RHOQ: variants seen among roughly 807,000 people sequenced by gnomAD.
RHOQ encodes ras homolog family member Q.
In RHOQ, 7 loss-of-function variants were observed where a neutral mutation model predicts 25.8. That is an observed-to-expected ratio of 0.27 (90% CI 0.15 to 0.51). RHOQ has a LOEUF of 0.51. Ranked by LOEUF, RHOQ falls within the 20% of genes least tolerant of loss-of-function variation. RHOQ has a pLI of 0.97. For missense variants in RHOQ, 165 were observed against 260.6 expected (o/e 0.63, Z 2.53); for synonymous variants, 97 against 98.6 (o/e 0.98, Z 0.10).
intron 4 of RHOQ, 132 bp from the exon 5 acceptor site, chr2:46,580,796 A>G: frequency 1.6e-6 from 1 of 611,898 alleles, no homozygotes; most frequent in Non-Finnish European, 2.6e-6. Context: ...CTCTGGGGTT[A>G]TGAACATGGA....
rs1375120709 is a variant in RHOQ at position 46,576,386 on chromosome 2, T to C, written c.366+135T>C. ...CTCAGCTGCAAGTTAATGAGTTCTATCATATTTTTGGAAAAAATTGTGCCA... is the reference window on the plus strand; with the variant it reads ...CTCAGCTGCAAGTTAATGAGTTCTACCATATTTTTGGAAAAAATTGTGCCA... On this transcript the variant is annotated intron_variant, in intron 3 of 4. Coordinates refer to ENST00000238738, the MANE Select transcript of RHOQ (RefSeq NM_012249.4). The surrounding 1 kb of genome is among the most constrained non-coding windows in gnomAD (Gnocchi z 5.1). The C allele has an allele frequency of 1.0e-6, 1 of 970,920 alleles. No individual in the cohort carries two copies. The highest frequency in any genetic ancestry group is 1.5e-6 in the Non-Finnish European group (1 of 653,288). 60.1% of individuals were successfully genotyped at this position (970,920 alleles called of 1,614,324 possible).
Position 46,543,786 on chromosome 2 carries a change from C to G in RHOQ, c.175C>G (p.Leu59Val). The change falls in exon 2 of 5, where the codon CTA becomes GTA. Residue 59 changes from leucine to valine, a missense_variant. By Grantham distance (32) the Leu-to-Val change is conservative (BLOSUM62 1). Coordinates refer to ENST00000238738, the MANE Select transcript of RHOQ (RefSeq NM_012249.4). ...CACCGTGGGGGGCAAGCAGTACCTC[C>G]TAGGACTCTATGACACGGCCGGACA... is the stretch of plus-strand genomic sequence containing the variant. ...SVTVGGKQYLLGLYDTAGQED... is the reference protein window; with the variant it reads ...SVTVGGKQYLVGLYDTAGQED... 6.2e-7 allele frequency: 1 copy of G among 1,613,676 alleles called. No individual in the cohort carries two copies. The highest frequency in any genetic ancestry group is 1.7e-4 in the Middle Eastern group (1 of 6,060).
intron 2 of RHOQ, among the ~76,000 whole-genome samples, chr2:46,553,190 T>C (rs1430008817): frequency 6.6e-6 from 1 of 152,214 alleles, no homozygotes; most frequent in East Asian, 1.9e-4. Context: ...AATTAATGAC[T>C]GTGCACTTCT....
At chr2:46,543,909 G>A (rs1667946242) in intron 2 of RHOQ, 97 bp downstream of exon 2, 2 of 994,520 alleles carry the variant, frequency 2.0e-6, no homozygotes, top group Non-Finnish European at 3.1e-6. Flanking sequence ...AGGTGGGAGG[G>A]TGTGTCTGCG....
intron 2 of RHOQ, among the ~76,000 whole-genome samples, chr2:46,544,500 T>G (rs1241327817): frequency 6.6e-6 from 1 of 152,134 alleles, no homozygotes; most frequent in Non-Finnish European, 1.5e-5. Context: ...TTGGGAGAGA[T>G]TAATTGTGCA....
At chr2:46,575,399 T>TCACA (rs56002979) in intron 2 of RHOQ, among the ~76,000 whole-genome samples, 17,658 of 138,108 alleles carry the variant, frequency 0.13, 1,251 homozygotes, top group Admixed American at 0.18. Context: ...CTTTAAATCT[T>TCACA]CACACACACA....
At chr2:46,554,851 A>G (rs73926503) in intron 2 of RHOQ, among the ~76,000 whole-genome samples, 3,672 of 150,006 alleles carry the variant, frequency 0.024, 150 homozygotes, top group African/African-American at 0.087. Flanking sequence ...AAATGGCATA[A>G]TGGTTGGGAT....
intron 2 of RHOQ, among the ~76,000 whole-genome samples, chr2:46,546,471 T>C (rs1280955564): frequency 5.6e-5 from 2 of 36,012 alleles, no homozygotes; most frequent in Admixed American, 3.7e-4. Flanking sequence ...TATATATATA[T>C]ATGTGTATAT....
rs1005477244 is a variant in RHOQ at position 46,582,999 on chromosome 2, G to A, written c.*1916G>A. ...TTATGTAACTTTCTTATTTAATTTT[G>A]GTCTGCTTATTTTTAGATAAAATTG... On this transcript the variant is annotated 3_prime_UTR_variant, in exon 5 of 5. Coordinates refer to ENST00000238738, the MANE Select transcript of RHOQ (RefSeq NM_012249.4). 4 of 151,820 alleles carry A rather than the reference G, an allele frequency of 2.6e-5. No homozygotes were observed. Among genetic ancestry groups the A allele is most frequent in the African/African-American group, 9.7e-5 (4 of 41,306 alleles). 9.4% of individuals were successfully genotyped at this position (151,820 alleles called of 1,614,324 possible).
chr2:46,577,370 T>C (rs1244804475), intron 4 of RHOQ, among the ~76,000 whole-genome samples: 1 of 151,684 alleles, frequency 6.6e-6, no homozygotes, highest in Non-Finnish European at 1.5e-5. Context: ...AATAGGACTT[T>C]TGTGGAAACA....
At chr2:46,551,479 G>T (rs1349045718) in intron 2 of RHOQ, among the ~76,000 whole-genome samples, 1 of 152,098 alleles carries the variant, frequency 6.6e-6, no homozygotes, top group Non-Finnish European at 1.5e-5. Flanking sequence ...GGCAGAGGGG[G>T]TGACCCCAAA....
rs1669464161 is a variant in RHOQ, at chr2:46,583,312, C to T, written c.*2229C>T. On this transcript the variant is annotated 3_prime_UTR_variant, in exon 5 of 5. Coordinates refer to ENST00000238738, the MANE Select transcript of RHOQ (RefSeq NM_012249.4). Reference sequence around the variant, plus strand: ...TTTCTTGACTGGGATTTGGTTTCCTCATTATAAATATGGGAGGTAGAACAG... The same window carrying T: ...TTTCTTGACTGGGATTTGGTTTCCTTATTATAAATATGGGAGGTAGAACAG... 6.6e-6 allele frequency among the ~76,000 whole-genome samples: 1 copy of T among 152,154 alleles called. No homozygotes were observed. Among genetic ancestry groups the T allele is most frequent in the African/African-American group, 2.4e-5 (1 of 41,450 alleles).
Position 46,581,959 on chromosome 2 carries a change from A to G in RHOQ, c.*876A>G, listed in dbSNP as rs1220795448. On this transcript the variant is annotated 3_prime_UTR_variant, in exon 5 of 5. Coordinates refer to ENST00000238738, the MANE Select transcript of RHOQ (RefSeq NM_012249.4). ...TTTAATTCCCACTTTGGCTGTGTACATCAAATGAAATGAGAAGTGTGTATG... is the reference window on the plus strand; with the variant it reads ...TTTAATTCCCACTTTGGCTGTGTACGTCAAATGAAATGAGAAGTGTGTATG... 5.5e-6 allele frequency: 1 copy of G among 183,208 alleles called. No individual in the cohort carries two copies. Among genetic ancestry groups the G allele is most frequent in the Non-Finnish European group, 1.2e-5 (1 of 86,698 alleles). 11.3% of individuals were successfully genotyped at this position (183,208 alleles called of 1,614,324 possible).
At chr2:46,559,052 C>T (rs1668489499) in intron 2 of RHOQ, among the ~76,000 whole-genome samples, 1 of 152,218 alleles carries the variant, frequency 6.6e-6, no homozygotes, top group Admixed American at 6.5e-5. Flanking sequence ...CTCCCAGGTT[C>T]AAGTGATCCT....
chr2:46,575,918 C>T (rs760809415), intron 2 of RHOQ, among the ~76,000 whole-genome samples, 169 bp from the exon 3 acceptor site: 1 of 152,054 alleles, frequency 6.6e-6, no homozygotes, highest in Non-Finnish European at 1.5e-5. Context: ...TTCAGAACTT[C>T]ACAAAGAAGA....
At position 46,578,569 on chromosome 2, in the gene RHOQ, C is replaced by CAAAAAAAAAAAAAAAA. The variant is rs755333304; in HGVS notation, c.462+1935_462+1950dup. On this transcript the variant is annotated intron_variant, in intron 4 of 4. Coordinates refer to ENST00000238738, the MANE Select transcript of RHOQ (RefSeq NM_012249.4). ...CAACATGGTGAAACCCCATCTCTAC[C>CAAAAAAAAAAAAAAAA]AAAAAAAAAAAAAAAAAAAAAAAAA... is the stretch of plus-strand genomic sequence containing the variant. Among the ~76,000 whole-genome samples the CAAAAAAAAAAAAAAAA allele has an allele frequency of 1.1e-3, 26 of 24,068 alleles. 6 individuals are homozygous for CAAAAAAAAAAAAAAAA. The highest frequency in any genetic ancestry group is 1.4e-3 in the Non-Finnish European group (19 of 13,132). The allele number at this position is 24,068 out of a possible 152,430, so 15.8% of individuals were successfully genotyped here. A position where few individuals can be genotyped will look rare whatever the true frequency, so the allele number is the denominator to read the frequency against.
intron 2 of RHOQ, among the ~76,000 whole-genome samples, chr2:46,557,512 T>A (rs1229588997): frequency 2.6e-5 from 4 of 152,130 alleles, no homozygotes; most frequent in Non-Finnish European, 4.4e-5. Flanking sequence ...ATGTATAATA[T>A]GCAGAGGAAA....
chr2:46,558,802 T>C lies in RHOQ; in HGVS notation c.201+14990T>C, dbSNP rs919375595. 2.0e-5 allele frequency among the ~76,000 whole-genome samples: 3 copies of C among 152,244 alleles called. No homozygotes were observed. The South Asian group carries it at 6.2e-4, about 32-fold the overall frequency. ...AATTATCTTACATTTCCTTTCTGTCTTTTTTCTTTATTTTGGGGAGAAATA... is the reference window on the plus strand; with the variant it reads ...AATTATCTTACATTTCCTTTCTGTCCTTTTTCTTTATTTTGGGGAGAAATA... On this transcript the variant is annotated intron_variant, in intron 2 of 4. Transcript: ENST00000238738.
chr2:46,580,907 G>C, intron 4 of RHOQ, 21 bp from the exon 5 acceptor site: 2 of 1,453,174 alleles, frequency 1.4e-6, no homozygotes, highest in East Asian at 2.5e-5. Flanking sequence ...ATATATTTGT[G>C]ATTTTTTTTC....
Sources: allele counts gnomAD v4.1 joint callset (sites outside exome capture counted in the v4.1 genomes callset), GRCh38; gene constraint gnomAD v4.1.1; non-coding constraint Gnocchi (gnomAD v3.1); transcripts MANE v1.5; gene names NCBI Gene and HGNC (gene_info 2026-07-23, HGNC 2026-07-21).